Variants in TCF7L1 observed in about 807,000 individuals in gnomAD.
TCF7L1 encodes the protein transcription factor 7-like 1.
In TCF7L1, 18 loss-of-function variants were observed where a neutral mutation model predicts 63.7. The ratio of observed to expected loss-of-function variants is 0.28; its 90% CI spans 0.20 to 0.42. The LOEUF is 0.42. Ranked by LOEUF, TCF7L1 falls within the 10% of genes least tolerant of loss-of-function variation. The pLI is 1.00. For missense variants in TCF7L1, 654 were observed against 779.3 expected (o/e 0.84, Z 1.91); for synonymous variants, 355 against 340.9 (o/e 1.04, Z -0.46).
intron 3 of TCF7L1, among the ~76,000 whole-genome samples, chr2:85,156,424 G>A (rs144553647): frequency 8.6e-4 from 131 of 152,290 alleles, no homozygotes; most frequent in African/African-American, 3.0e-3. Context: ...TTCAGGAAGG[G>A]AGCACACAGA....
rs147810901 is a variant in TCF7L1, at chr2:85,276,588, C to T, written c.442-6907C>T. ...TTGCAGTCGTTTCTTTCCTGGACTA[C>T]GGCAAATCCTACCAGAGTCAGCCTT... On this transcript the variant is annotated intron_variant, in intron 3 of 11. Coordinates refer to ENST00000282111, the MANE Select transcript of TCF7L1 (RefSeq NM_031283.3). 2.0e-3 allele frequency among the ~76,000 whole-genome samples: 309 copies of T among 151,828 alleles called. 1 individual carries two copies. The highest frequency in any genetic ancestry group is 7.1e-3 in the African/African-American group (296 of 41,452).
chr2:85,176,803 A>G (rs770810655), intron 3 of TCF7L1, among the ~76,000 whole-genome samples: 3 of 152,066 alleles, frequency 2.0e-5, no homozygotes, highest in Non-Finnish European at 4.4e-5. Context: ...CCTGGCCAAC[A>G]TGGTGAAACC....
intron 3 of TCF7L1, chr2:85,167,450 C>T (rs887724209): frequency 6.6e-6 from 1 of 152,204 alleles, no homozygotes; most frequent in Non-Finnish European, 1.5e-5. Context: ...TCTGTACCCC[C>T]ACATTCACTG....
chr2:85,177,318 A>T (rs1678698880), intron 3 of TCF7L1, among the ~76,000 whole-genome samples: 1 of 152,170 alleles, frequency 6.6e-6, no homozygotes, highest in Non-Finnish European at 1.5e-5. Flanking sequence ...CAACACAGGA[A>T]TTTGGTGGCA....
chr2:85,277,960 C>T (rs1276719447), intron 3 of TCF7L1, among the ~76,000 whole-genome samples: 5 of 152,132 alleles, frequency 3.3e-5, no homozygotes, highest in Admixed American at 6.5e-5. Flanking sequence ...TTCTGGGAGC[C>T]GGAGGGTTAA....
rs191177110 is a variant in TCF7L1, at chr2:85,204,596, G to A, written c.441+70146G>A. On this transcript the variant is annotated intron_variant, in intron 3 of 11. Transcript: ENST00000282111. Reference sequence around the variant, plus strand: ...GGGTCTTACTATGTTGCCCAGGCTGGACTTGAACTCCTGGGCTTAAGCAAA... The same window carrying A: ...GGGTCTTACTATGTTGCCCAGGCTGAACTTGAACTCCTGGGCTTAAGCAAA... Among the ~76,000 whole-genome samples the A allele has an allele frequency of 1.8e-3, 271 of 148,348 alleles. 4 individuals are homozygous for A. Among genetic ancestry groups the A allele is most frequent in the African/African-American group, 6.0e-3 (246 of 41,282 alleles).
chr2:85,166,315 A>G (rs751931795), intron 3 of TCF7L1, among the ~76,000 whole-genome samples: 2 of 152,198 alleles, frequency 1.3e-5, no homozygotes, highest in Non-Finnish European at 2.9e-5. Context: ...TCACAGGCAC[A>G]AGCACTCTGG....
At chr2:85,230,294 T>C (rs1680048096) in intron 3 of TCF7L1, among the ~76,000 whole-genome samples, 1 of 152,350 alleles carries the variant, frequency 6.6e-6, no homozygotes. Context: ...ATTAGTACCC[T>C]GGAGTACAAT....
intron 4 of TCF7L1, among the ~76,000 whole-genome samples, chr2:85,291,601 G>A (rs767149595): frequency 2.0e-5 from 3 of 151,294 alleles, no homozygotes; most frequent in Admixed American, 6.6e-5. Flanking sequence ...GTTTTAGGAC[G>A]GAGTTTCACT....
intron 3 of TCF7L1, among the ~76,000 whole-genome samples, chr2:85,142,555 T>C (rs1677770692): frequency 6.6e-6 from 1 of 151,716 alleles, no homozygotes; most frequent in South Asian, 2.1e-4. Flanking sequence ...TATTGAGATA[T>C]TGAAGTGATA....
At chr2:85,202,163 C>G (rs1025839196) in intron 3 of TCF7L1, among the ~76,000 whole-genome samples, 4 of 151,964 alleles carry the variant, frequency 2.6e-5, no homozygotes, top group Non-Finnish European at 5.9e-5. Context: ...GGGGTTTCAC[C>G]GTGTTGGCCA....
At chr2:85,277,684 A>G (rs570873450) in intron 3 of TCF7L1, among the ~76,000 whole-genome samples, 1 of 152,332 alleles carries the variant, frequency 6.6e-6, no homozygotes, top group East Asian at 1.9e-4. Context: ...CTCTAGAAGC[A>G]GCGGAAGGCG....
chr2:85,239,062 C>G (rs140137599), intron 3 of TCF7L1, among the ~76,000 whole-genome samples: 176 of 151,928 alleles, frequency 1.2e-3, no homozygotes, highest in African/African-American at 3.9e-3. Flanking sequence ...AAACAGGGGT[C>G]CAGGGGTATG....
At chr2:85,218,462 C>A (rs545713629) in intron 3 of TCF7L1, among the ~76,000 whole-genome samples, 18 of 152,064 alleles carry the variant, frequency 1.2e-4, no homozygotes, top group Admixed American at 3.3e-4. Flanking sequence ...CACCATGTTG[C>A]CCAGGTTGGT....
chr2:85,174,465 G>C (rs192081407), intron 3 of TCF7L1, among the ~76,000 whole-genome samples: 1 of 152,096 alleles, frequency 6.6e-6, no homozygotes, highest in Non-Finnish European at 1.5e-5. Context: ...GGGTTTCCTC[G>C]CTTCCAAAAA....
chr2:85,296,730 G>A (rs1350662552), intron 4 of TCF7L1, among the ~76,000 whole-genome samples: 1 of 152,112 alleles, frequency 6.6e-6, no homozygotes, highest in African/African-American at 2.4e-5. Flanking sequence ...CAGCCCATTC[G>A]TCTTTGTATA....
At chr2:85,226,982 G>A (rs1381936083) in intron 3 of TCF7L1, among the ~76,000 whole-genome samples, 2 of 152,182 alleles carry the variant, frequency 1.3e-5, no homozygotes, top group East Asian at 1.9e-4. Context: ...CGCTGCCGCC[G>A]TTTTACCCTG....
chr2:85,243,905 G>A (rs370268996), intron 3 of TCF7L1, among the ~76,000 whole-genome samples: 1 of 152,186 alleles, frequency 6.6e-6, no homozygotes, highest in Non-Finnish European at 1.5e-5. Context: ...TGTGGTGGGC[G>A]GAGTTCAGGA....
chr2:85,156,515 G>A (rs554073308), intron 3 of TCF7L1, among the ~76,000 whole-genome samples: 18 of 152,310 alleles, frequency 1.2e-4, no homozygotes, highest in Admixed American at 7.2e-4. Flanking sequence ...GAGCTCTGGG[G>A]CCAGTGCGTT....
Sources: allele counts gnomAD v4.1 joint callset (sites outside exome capture counted in the v4.1 genomes callset), GRCh38; gene constraint gnomAD v4.1.1; transcripts MANE v1.5; gene names NCBI Gene and HGNC (gene_info 2026-07-23, HGNC 2026-07-21).